Variants in PTK2 observed in about 807,000 individuals in gnomAD.
PTK2 encodes focal adhesion kinase 1.
In PTK2, 45 loss-of-function variants were observed where a neutral mutation model predicts 150.1. The ratio of observed to expected loss-of-function variants is 0.30; its 90% CI spans 0.24 to 0.38. PTK2 has a LOEUF of 0.38. Ranked by LOEUF, PTK2 falls within the 10% of genes least tolerant of loss-of-function variation. The pLI is 1.00. For synonymous variants in PTK2, 432 were observed against 449.2 expected, an observed-to-expected ratio of 0.96 and a Z score of 0.48; for missense variants, 919 against 1,307.3, an observed-to-expected ratio of 0.70 and a Z score of 4.58.
At chr8:140,674,170 G>T in intron 29 of PTK2, 128 bp downstream of exon 32, 1 of 943,298 alleles carries the variant, frequency 1.1e-6, no homozygotes, top group East Asian at 2.4e-5. Flanking sequence ...GGGTCTCACT[G>T]CAGTTCCACT....
chr8:140,868,299 T>TA (rs1025769920), intron 4 of PTK2, among the ~76,000 whole-genome samples: 1 of 151,966 alleles, frequency 6.6e-6, no homozygotes, highest in Non-Finnish European at 1.5e-5. Context: ...GATGCCCTCA[T>TA]AAAAAAAATG....
intron 1 of PTK2, among the ~76,000 whole-genome samples, chr8:140,985,667 C>A (rs1016893571): frequency 2.6e-5 from 4 of 152,180 alleles, no homozygotes; most frequent in African/African-American, 7.2e-5. Context: ...CCCGCCAGAA[C>A]CCCACAGTGC....
chr8:140,779,266 A>G (rs1442164327), intron 14 of PTK2, among the ~76,000 whole-genome samples: 1 of 151,720 alleles, frequency 6.6e-6, no homozygotes, highest in East Asian at 1.9e-4. Context: ...AAAAGAAAAA[A>G]AAAAAAAGAA....
intron 16 of PTK2, among the ~76,000 whole-genome samples, chr8:140,758,869 CTA>C (rs2100067489): frequency 6.6e-6 from 1 of 152,142 alleles, no homozygotes; most frequent in South Asian, 2.1e-4. Context: ...GGTAAGTGCC[CTA>C]TATGAGTGTA....
At chr8:140,845,667 T>C (rs1289538301) in intron 7 of PTK2, among the ~76,000 whole-genome samples, 4 of 152,194 alleles carry the variant, frequency 2.6e-5, no homozygotes, top group Admixed American at 2.0e-4. Flanking sequence ...AATTTTGTTT[T>C]ATTTCCGAAT....
intron 1 of PTK2, among the ~76,000 whole-genome samples, chr8:140,941,510 C>A (rs1474703225): frequency 6.6e-6 from 1 of 152,112 alleles, no homozygotes; most frequent in African/African-American, 2.4e-5. Context: ...TATAGTATAT[C>A]CTGAAGATCG....
intron 10 of PTK2, among the ~76,000 whole-genome samples, chr8:140,816,131 A>C (rs1294613772): frequency 6.6e-6 from 1 of 152,200 alleles, no homozygotes; most frequent in Non-Finnish European, 1.5e-5. Context: ...ATCAATAATA[A>C]GGTTGCAGAC....
intron 1 of PTK2, among the ~76,000 whole-genome samples, chr8:140,952,692 T>A (rs1000202785): frequency 3.9e-5 from 6 of 152,168 alleles, no homozygotes; most frequent in African/African-American, 1.4e-4. Context: ...TGTAACAACA[T>A]AAACAAAATG....
At chr8:140,958,279 C>T (rs1449267471) in intron 1 of PTK2, among the ~76,000 whole-genome samples, 3 of 152,056 alleles carry the variant, frequency 2.0e-5, no homozygotes, top group South Asian at 2.1e-4. Flanking sequence ...CTGGGACTAA[C>T]AGGTCTGTGC....
intron 15 of PTK2, among the ~76,000 whole-genome samples, chr8:140,763,809 T>C (rs1205663316): frequency 6.6e-6 from 1 of 152,152 alleles, no homozygotes; most frequent in Non-Finnish European, 1.5e-5. Flanking sequence ...ATGCAAATTT[T>C]TGAATATATG....
chr8:140,843,504 C>T (rs1397380150), intron 7 of PTK2, among the ~76,000 whole-genome samples: 5 of 151,646 alleles, frequency 3.3e-5, no homozygotes, highest in Non-Finnish European at 7.4e-5. Flanking sequence ...TTTCCCCAGC[C>T]ACTATACTAG....
At chr8:140,879,708 C>CAAAAAAAAAAAAAAAAAAAAAAAA (rs2100148050) in intron 3 of PTK2, 71 bp from the exon 4 acceptor site, 1 of 973,798 alleles carries the variant, frequency 1.0e-6, no homozygotes, top group African/African-American at 3.0e-5. Flanking sequence ...AAAACCAAAA[C>CAAAAAAAAAAAAAAAAAAAAAAAA]AAAACAAAAA....
chr8:140,769,526 A>G, intron 14 of PTK2, 49 bp downstream of exon 16: 1 of 1,233,240 alleles, frequency 8.1e-7, no homozygotes, highest in Non-Finnish European at 1.1e-6. Context: ...ATTTATTTTC[A>G]TAAATAATTA....
chr8:140,816,980 A>G (rs545793386), intron 10 of PTK2, among the ~76,000 whole-genome samples: 6 of 152,364 alleles, frequency 3.9e-5, no homozygotes, highest in African/African-American at 1.4e-4. Flanking sequence ...AGTAGTACAT[A>G]GATTATATAT....
At chr8:140,968,556 T>C (rs1252335886) in intron 1 of PTK2, among the ~76,000 whole-genome samples, 2 of 152,206 alleles carry the variant, frequency 1.3e-5, no homozygotes, top group Non-Finnish European at 2.9e-5. Flanking sequence ...GGATCAGATA[T>C]GAATGCAAAG....
At chr8:140,764,572 A>G in intron 14 of PTK2, 1 of 449,400 alleles carries the variant, frequency 2.2e-6, no homozygotes, top group East Asian at 3.3e-5. Context: ...ACAACTATGT[A>G]TATGCTTCAA....
At chr8:140,670,012 C>T (rs528348417) in intron 29 of PTK2, 7 of 424,450 alleles carry the variant, frequency 1.6e-5, no homozygotes, top group Admixed American at 1.2e-4. Flanking sequence ...ATGCAAAGCC[C>T]GAGGAACAAT....
At chr8:140,685,983 C>T (rs2100019551) in intron 27 of PTK2, among the ~76,000 whole-genome samples, 1 of 152,176 alleles carries the variant, frequency 6.6e-6, no homozygotes, top group South Asian at 2.1e-4. Flanking sequence ...TGGAATCAAC[C>T]TCAATACCCA....
At position 140,674,794 on chromosome 8, in the gene PTK2, C is replaced by T. The variant is rs1589429564; in HGVS notation, c.2603-390G>A. 4.6e-5 allele frequency among the ~76,000 whole-genome samples: 7 copies of T among 151,688 alleles called. No individual in the cohort carries two copies. In the South Asian group the frequency reaches 1.5e-3, roughly 32 times the overall value. On this transcript the variant is annotated intron_variant, in intron 28 of 31. Coordinates refer to ENST00000522684, the Ensembl canonical transcript of PTK2. ...GAGCACAGTGGCTCACGCCTGTAAT[C>T]CCTAGCACTTTGGGAGGCTGAGGCG... is the stretch of plus-strand genomic sequence containing the variant.
Sources: gnomAD v4.1 joint callset for allele counts (sites outside exome capture counted in the v4.1 genomes callset) on GRCh38, gnomAD v4.1.1 for gene constraint, MANE v1.5 for transcripts, NCBI Gene and HGNC (gene_info 2026-07-23, HGNC 2026-07-21) for gene names.